TNK1: variants seen among roughly 807,000 people sequenced by gnomAD.
The protein encoded by TNK1 is tyrosine kinase non receptor 1, also known as non-receptor tyrosine-protein kinase TNK1.
A neutral mutation model predicts 65.2 loss-of-function variants in TNK1; 53 were observed. That is an observed-to-expected ratio of 0.81 (90% CI 0.65 to 1.02). The LOEUF is 1.02. TNK1 is among the 50% of genes least tolerant of loss of function. The pLI, the probability that TNK1 is intolerant of heterozygous loss-of-function variation, is 0.00. For synonymous variants in TNK1, 353 were observed against 364.6 expected (o/e 0.97, Z 0.36); for missense variants, 837 against 878.4 (o/e 0.95, Z 0.60).
rs2143158969 is a variant in TNK1, at chr17:7,388,261, AC to A, written c.1478-144del. ...GGCAATGTGCCGAAACCCCTTCTCTACAAAAATACAAAAATTAGCCAGTCGT... is the reference window on the plus strand; with the variant it reads ...GGCAATGTGCCGAAACCCCTTCTCTAAAAAATACAAAAATTAGCCAGTCGT... On this transcript the variant is annotated intron_variant, in intron 10 of 12. Transcript: ENST00000688331. This position sits in a 1 kb window ranked among gnomAD's most constrained non-coding sequence, Gnocchi z 4.5. The A allele has an allele frequency of 1.2e-6, 1 of 850,110 alleles. No homozygotes were observed. Among genetic ancestry groups the A allele is most frequent in the African/African-American group, 1.7e-5 (1 of 58,398 alleles). The allele number at this position is 850,110 out of a possible 1,614,324, so 52.7% of individuals were successfully genotyped here.
chr17:7,384,595 G>A lies in TNK1; in HGVS notation c.978G>A (p.Gly326=). ...MFSGGEEPWA[G]VPPYLILQRL... ...CCGGGGGCGAGGAACCCTGGGCCGGGGTCCCACCGTACCTCATCCTGCAGC... is the reference window on the plus strand; with the variant it reads ...CCGGGGGCGAGGAACCCTGGGCCGGAGTCCCACCGTACCTCATCCTGCAGC... Residue 326 remains glycine (G), a synonymous_variant, in exon 7 of 13, where the codon GGG becomes GGA. Coordinates refer to ENST00000688331, the MANE Select transcript of TNK1 (RefSeq NM_003985.6). 1.2e-6 allele frequency: 2 copies of A among 1,612,522 alleles called. No homozygotes were observed. Among genetic ancestry groups the A allele is most frequent in the South Asian group, 1.1e-5 (1 of 90,638 alleles).
chr17:7,382,998 G>T lies in TNK1; in HGVS notation c.72G>T (p.Trp24Cys), dbSNP rs1597676366. Residue 24 changes from tryptophan to cysteine, a missense_variant, in exon 2 of 13, where the codon TGG (tryptophan) becomes TGT (cysteine). By Grantham distance (215) the Trp-to-Cys change is radical. Coordinates refer to ENST00000688331, the MANE Select transcript of TNK1 (RefSeq NM_003985.6). The surrounding 1 kb of genome is among the most constrained non-coding windows in gnomAD (Gnocchi z 4.1). ...ACATCCAGTTGGCCCAGTTTTACTG[G>T]CCCATCCTTGAGGAGCTTAATGTCA... ...LRDIQLAQFY[W>C]PILEELNVTR... The T allele has an allele frequency of 2.5e-6, 4 of 1,613,990 alleles. No homozygotes were observed. In the Admixed American group the frequency reaches 6.7e-5, roughly 27 times the overall value.
In TNK1 at chr17:7,386,415, T is replaced by C. The variant is rs1905179686; in HGVS notation, c.1138-146T>C. On this transcript the variant is annotated intron_variant, in intron 7 of 12. Transcript: ENST00000688331. ...TGGGATCCAGGTCTGCCTCCCTCAC[T>C]GAATTACAATGGGGGGACAGGGAGA... is the stretch of plus-strand genomic sequence containing the variant. 11 of 628,148 alleles carry C rather than the reference T, an allele frequency of 1.8e-5. No individual in the cohort carries two copies. In the South Asian group the frequency reaches 2.1e-4, roughly 12 times the overall value. The allele number at this position is 628,148 out of a possible 1,614,324, so 38.9% of individuals were successfully genotyped here.
rs893899844 is a variant in TNK1 at position 7,388,777 on chromosome 17, G to C, written c.1777-11G>C. Reference sequence around the variant, plus strand: ...GGGGCAGGGGCCTGAGTGAGGCTTTGTCTGTCACAGGTGGAGCTGAGTGTG... The same window carrying C: ...GGGGCAGGGGCCTGAGTGAGGCTTTCTCTGTCACAGGTGGAGCTGAGTGTG... On this transcript the variant is annotated splice_polypyrimidine_tract_variant and intron_variant, in intron 11 of 12. Transcript: ENST00000688331. This position sits in a 1 kb window ranked among gnomAD's most constrained non-coding sequence, Gnocchi z 4.5. 1 of 1,605,640 alleles carries C rather than the reference G, an allele frequency of 6.2e-7. No homozygotes were observed. Among genetic ancestry groups the C allele is most frequent in the Admixed American group, 1.7e-5 (1 of 58,900 alleles).
rs192070212 is a variant in TNK1 at position 7,385,234 on chromosome 17, G to A, written c.1137+480G>A. 6.2e-4 allele frequency among the ~76,000 whole-genome samples: 94 copies of A among 152,014 alleles called. 2 individuals carry two copies. The East Asian group carries it at 6.8e-3, about 11-fold the overall frequency. ...TACAAAATTAGCTGGGTCTGGTGGT[G>A]CATGCCTGTAATCCCAGCTACTCGG... is the stretch of plus-strand genomic sequence containing the variant. On this transcript the variant is annotated intron_variant, in intron 7 of 12. Coordinates refer to ENST00000688331, the MANE Select transcript of TNK1 (RefSeq NM_003985.6).
rs765138633 is a variant in TNK1 at position 7,384,759 on chromosome 17, G to A, written c.1137+5G>A. 1 of 1,568,364 alleles carries A rather than the reference G, an allele frequency of 6.4e-7. No homozygotes were observed. The highest frequency in any genetic ancestry group is 8.6e-7 in the Non-Finnish European group (1 of 1,163,676). ...CTGGAGGGGCTGCTGCAAGAGGTGGGAACCCCCGACCTCACCAGATACACA... is the reference window on the plus strand; with the variant it reads ...CTGGAGGGGCTGCTGCAAGAGGTGGAAACCCCCGACCTCACCAGATACACA... On this transcript the variant is annotated splice_donor_5th_base_variant and intron_variant, in intron 7 of 12. Transcript: ENST00000688331.
intron 7 of TNK1, 147 bp downstream of exon 7, chr17:7,384,901 A>G: frequency 8.8e-7 from 1 of 1,138,604 alleles, no homozygotes; most frequent in South Asian, 1.6e-5. Flanking sequence ...CCCTACCTGC[A>G]GGGAGATCAG....
rs958341088 is a variant in TNK1 at position 7,384,066 on chromosome 17, C to A, written c.679C>A (p.Arg227=). The change falls in exon 6 of 13, where the codon CGG becomes AGG. Residue 227 remains arginine, a synonymous_variant. Coordinates refer to ENST00000688331, the MANE Select transcript of TNK1 (RefSeq NM_003985.6). ...LLVALLCLFL[R]QLAGAMAYLG... is the part of the protein sequence containing the mutation. ...CGTGGCCCTGCTCTGCCTCTTCCTG[C>A]GGCAGCTGGCGGGAGCCATGGCGTA... The A allele has an allele frequency of 2.6e-6, 4 of 1,535,730 alleles. No individual in the cohort carries two copies. Among genetic ancestry groups the A allele is most frequent in the African/African-American group, 2.8e-5 (2 of 72,656 alleles).
At chr17:7,385,353 G>A (rs1905121056) in intron 7 of TNK1, among the ~76,000 whole-genome samples, 2 of 123,960 alleles carry the variant, frequency 1.6e-5, no homozygotes, top group African/African-American at 5.6e-5. Flanking sequence ...CAAAAAGAGC[G>A]AACTCCGTCT....
intron 3 of TNK1, 34 bp downstream of exon 3, chr17:7,383,354 A>T: frequency 6.2e-7 from 1 of 1,613,910 alleles, no homozygotes; most frequent in Non-Finnish European, 8.5e-7. Flanking sequence ...TGGGCCTGGG[A>T]ATGAGGTGGC....
chr17:7,383,996 C>T lies in TNK1; in HGVS notation c.609C>T (p.Ser203=). 1 of 1,495,824 alleles carries T rather than the reference C, an allele frequency of 6.7e-7. No individual in the cohort carries two copies. The allele number at this position is 1,495,824 out of a possible 1,614,324, so 92.7% of individuals were successfully genotyped here. Residue 203 remains serine (S), a synonymous_variant, in exon 6 of 13, where the codon TCC becomes TCT. Coordinates refer to ENST00000688331, the MANE Select transcript of TNK1 (RefSeq NM_003985.6). ...TGATGGAGCTGGCGCCACTGGGCTC[C>T]CTGCACGCGCGCCTAACGGCCCCGG... ...QMVMELAPLG[S]LHARLTAPAP...
rs750587873 is a variant in TNK1, at chr17:7,383,599, C to T, written c.409C>T (p.Leu137=). 18 of 1,603,294 alleles carry T rather than the reference C, an allele frequency of 1.1e-5. No individual in the cohort carries two copies. The East Asian group carries it at 3.4e-4, about 30-fold the overall frequency. Residue 137 remains leucine, a synonymous_variant, in exon 4 of 13, where the codon CTG becomes TTG. Coordinates refer to ENST00000688331, the MANE Select transcript of TNK1 (RefSeq NM_003985.6). The stretch of plus-strand genomic sequence containing the variant: ...TGTGGTGCACCGAGGGCTGTGGACG[C>T]TGCCCAGTGGCAAGAGTGTGAGTGT... ...FGVVHRGLWT[L]PSGKSVPVAV... is the part of the protein sequence containing the mutation.
rs1905473683 is a variant in TNK1 at position 7,389,618 on chromosome 17, T to C, written c.*534T>C. 1 of 227,918 alleles carries C rather than the reference T, an allele frequency of 4.4e-6. No individual in the cohort carries two copies. The highest frequency in any genetic ancestry group is 2.3e-5 in the African/African-American group (1 of 44,278). 14.1% of individuals were successfully genotyped at this position (227,918 alleles called of 1,614,324 possible). A position where few individuals can be genotyped will look rare whatever the true frequency, so the allele number is the denominator to read the frequency against. ...TCTTGCACTCAAGGACATTTGATGC[T>C]GGTAGTATGGATTATGAGATGGACT... On this transcript the variant is annotated 3_prime_UTR_variant, in exon 13 of 13. Coordinates refer to ENST00000688331, the MANE Select transcript of TNK1 (RefSeq NM_003985.6).
At position 7,382,771 on chromosome 17, in the gene TNK1, C is replaced by A; in HGVS notation, c.-91-65C>A. The A allele has an allele frequency of 2.6e-6, 2 of 767,454 alleles. No individual in the cohort carries two copies. Among genetic ancestry groups the A allele is most frequent in the Non-Finnish European group, 4.1e-6 (2 of 488,060 alleles). The allele number at this position is 767,454 out of a possible 1,614,324, so 47.5% of individuals were successfully genotyped here. A position where few individuals can be genotyped will look rare whatever the true frequency, so the allele number is the denominator to read the frequency against. ...ATCTGGGATTTGTGTGCGTGAGTGG[C>A]AGGGATCCTGGCTGTCTCTGCTGTG... On this transcript the variant is annotated intron_variant, in intron 1 of 12. Transcript: ENST00000688331. This position sits in a 1 kb window ranked among gnomAD's most constrained non-coding sequence, Gnocchi z 4.1.
At position 7,382,148 on chromosome 17, in the gene TNK1, C is replaced by T. The variant is rs1597675334; in HGVS notation, c.-91-688C>T. On this transcript the variant is annotated intron_variant, in intron 1 of 12. Transcript: ENST00000688331. This position sits in a 1 kb window ranked among gnomAD's most constrained non-coding sequence, Gnocchi z 4.1. ...GGGCATGGTGGCACGCGCCTGTAGT[C>T]CCAGCTACTTGGGAGGCTGAGGCAG... Among the ~76,000 whole-genome samples the T allele has an allele frequency of 1.3e-5, 2 of 152,140 alleles. No homozygotes were observed. The highest frequency in any genetic ancestry group is 4.1e-4 in the South Asian group (2 of 4,820).
At position 7,384,086 on chromosome 17, in the gene TNK1, G is replaced by A; in HGVS notation, c.699G>A (p.Met233Ile). Residue 233 changes from methionine to isoleucine, a missense_variant, in exon 6 of 13, where the codon ATG (methionine) becomes ATA (isoleucine). By Grantham distance (10) the Met-to-Ile change is conservative. Transcript: ENST00000688331. ...CLFLRQLAGA[M>I]AYLGARGLVH... ...TCCTGCGGCAGCTGGCGGGAGCCAT[G>A]GCGTACCTGGGGGCCCGCGGGCTGG... 1 of 1,542,502 alleles carries A rather than the reference G, an allele frequency of 6.5e-7. No homozygotes were observed. The highest frequency in any genetic ancestry group is 8.7e-7 in the Non-Finnish European group (1 of 1,151,732).
chr17:7,385,630 T>G (rs1905138853), intron 7 of TNK1, among the ~76,000 whole-genome samples: 1 of 152,008 alleles, frequency 6.6e-6, no homozygotes, highest in African/African-American at 2.4e-5. Context: ...AGTGGTGGGA[T>G]CTTGGCTCAC....
Position 7,384,755 on chromosome 17 carries a change from G to T in TNK1, c.1137+1G>T. ...CCACCTGGAGGGGCTGCTGCAAGAG[G>T]TGGGAACCCCCGACCTCACCAGATA... On this transcript the variant is annotated splice_donor_variant, in intron 7 of 12. Coordinates refer to ENST00000688331, the MANE Select transcript of TNK1 (RefSeq NM_003985.6). LOFTEE classifies it high-confidence loss of function. 1 of 1,571,664 alleles carries T rather than the reference G, an allele frequency of 6.4e-7. No individual in the cohort carries two copies. Among genetic ancestry groups the T allele is most frequent in the Admixed American group, 1.8e-5 (1 of 56,552 alleles).
intron 6 of TNK1, 65 bp downstream of exon 6, chr17:7,384,318 G>C: frequency 7.0e-7 from 1 of 1,435,136 alleles, no homozygotes; most frequent in African/African-American, 1.4e-5. Context: ...GCAGCCGAGG[G>C]AGATCGGAGG....
Sources: allele counts gnomAD v4.1 joint callset (sites outside exome capture counted in the v4.1 genomes callset), GRCh38; gene constraint gnomAD v4.1.1; non-coding constraint Gnocchi (gnomAD v3.1); transcripts MANE v1.5; gene names NCBI Gene and HGNC (gene_info 2026-07-23, HGNC 2026-07-21).